Variants in CBX7 observed in about 807,000 individuals in gnomAD.
CBX7 encodes the protein chromobox protein homolog 7.
In CBX7, 14 loss-of-function variants were observed where a neutral mutation model predicts 31.4. The observed-to-expected ratio is 0.45, with a 90% CI of 0.29 to 0.70. The LOEUF (loss-of-function observed/expected upper bound fraction) is 0.70. Among genes scored for constraint, CBX7 ranks in the 30% least tolerant of loss-of-function variants. The pLI is 0.11. For missense variants in CBX7, 269 were observed against 351.9 expected (o/e 0.76, Z 1.89); for synonymous variants, 159 against 152.6 (o/e 1.04, Z -0.31).
chr22:39,135,526 G>A (rs544673375), intron 4 of CBX7: 1 of 142,378 alleles, frequency 7.0e-6, no homozygotes, highest in Non-Finnish European at 1.5e-5. Context: ...TGCTACCAGA[G>A]GTCAGGAGCT....
chr22:39,149,931 A>G (rs1207866199), intron 1 of CBX7, 99 bp from the exon 2 acceptor site: 1 of 893,632 alleles, frequency 1.1e-6, no homozygotes, highest in Non-Finnish European at 1.9e-6. Context: ...TCCAAATCCC[A>G]TCTGCAGACA....
chr22:39,148,927 C>G (rs2146372001), intron 2 of CBX7: 1 of 152,672 alleles, frequency 6.5e-6, no homozygotes, highest in South Asian at 2.1e-4. Flanking sequence ...AAGTCCCTGC[C>G]CGACAGCAGC....
chr22:39,138,820 C>A, intron 3 of CBX7, 118 bp from the exon 4 acceptor site: 1 of 892,970 alleles, frequency 1.1e-6, no homozygotes, highest in Non-Finnish European at 1.8e-6. Flanking sequence ...TCCCCACAGG[C>A]CTGCCCACCA....
In CBX7 at chr22:39,134,541, C is replaced by A. The variant is rs1006263514; in HGVS notation, c.458G>T (p.Arg153Leu). 1.2e-6 allele frequency: 2 copies of A among 1,609,734 alleles called. No homozygotes were observed. The highest frequency in any genetic ancestry group is 1.7e-6 in the Non-Finnish European group (2 of 1,178,686). ...GGGCCCGCGGGGCGGGAACTTCTTGCGCGAGAGCCGCAGGTACTTGTGGGC... is the reference window on the plus strand; with the variant it reads ...GGGCCCGCGGGGCGGGAACTTCTTGAGCGAGAGCCGCAGGTACTTGTGGGC... ...RKAHKYLRLSRKKFPPRGPNL... is the reference protein window; with the variant it reads ...RKAHKYLRLSLKKFPPRGPNL... The change falls in exon 5 of 6, where the codon CGC becomes CTC. Residue 153 changes from arginine (R) to leucine (L), a missense_variant. This residue lies in a region of CBX7 where 222 missense variants were observed against 240.4 expected (regional missense o/e 0.92). Transcript: ENST00000216133.
chr22:39,133,021 T>A lies in CBX7; in HGVS notation c.*870A>T, dbSNP rs1406737683. ...TCGCACCTGTGCCAGACCCCTGCCC[T>A]CCACTGAAAGCCGCAAGCAGGTAGC... is the stretch of plus-strand genomic sequence containing the variant. On this transcript the variant is annotated 3_prime_UTR_variant, in exon 6 of 6. Transcript: ENST00000216133. 6.6e-6 allele frequency: 1 copy of A among 152,246 alleles called. No individual in the cohort carries two copies. Among genetic ancestry groups the A allele is most frequent in the Admixed American group, 6.5e-5 (1 of 15,282 alleles). The allele number at this position is 152,246 out of a possible 1,614,324, so 9.4% of individuals were successfully genotyped here.
intron 2 of CBX7, among the ~76,000 whole-genome samples, chr22:39,144,892 C>A (rs557707182): frequency 6.6e-6 from 1 of 152,242 alleles, no homozygotes; most frequent in Non-Finnish European, 1.5e-5. Flanking sequence ...GTTCTTACCC[C>A]CATTTTACAG....
At position 39,134,369 on chromosome 22, in the gene CBX7, C is replaced by T. The variant is rs528700295; in HGVS notation, c.598+32G>A. On this transcript the variant is annotated intron_variant, in intron 5 of 5. Transcript: ENST00000216133. ...TTATGACCCATAGGGCCCTTTCCAG[C>T]TCTGAGGGTCTCTGGGCTGGGGCCG... The T allele has an allele frequency of 6.1e-5, 95 of 1,551,204 alleles. 3 individuals carry two copies. In the South Asian group the frequency reaches 1.0e-3, roughly 17 times the overall value.
chr22:39,151,627 G>A (rs753298386), intron 1 of CBX7, among the ~76,000 whole-genome samples: 8 of 152,206 alleles, frequency 5.3e-5, no homozygotes, highest in Non-Finnish European at 1.0e-4. Context: ...GATTTCCCCA[G>A]CCTTAGGCGA....
chr22:39,149,442 C>T (rs528008906), intron 2 of CBX7: 2 of 413,556 alleles, frequency 4.8e-6, no homozygotes, highest in South Asian at 5.3e-5. Flanking sequence ...GGGTCCCCTC[C>T]TCCTGTCCAG....
intron 1 of CBX7, among the ~76,000 whole-genome samples, chr22:39,150,899 C>G (rs1440540915): frequency 1.3e-5 from 2 of 152,232 alleles, no homozygotes; most frequent in East Asian, 3.8e-4. Flanking sequence ...GCTGTCTCCA[C>G]TGGCACCTTG....
At chr22:39,149,585 G>A (rs1730669493) in intron 2 of CBX7, 1 of 591,400 alleles carries the variant, frequency 1.7e-6, no homozygotes, top group Non-Finnish European at 3.0e-6. Context: ...AGGGTGAGAA[G>A]AGAAGCTGGA....
chr22:39,152,447 G>A lies in CBX7; in HGVS notation c.-3C>T, dbSNP rs1432675284. The A allele has an allele frequency of 8.3e-7, 1 of 1,210,524 alleles. No homozygotes were observed. Among genetic ancestry groups the A allele is most frequent in the Non-Finnish European group, 1.0e-6 (1 of 965,892 alleles). 75.0% of individuals were successfully genotyped at this position (1,210,524 alleles called of 1,614,324 possible). A position where few individuals can be genotyped will look rare whatever the true frequency, so the allele number is the denominator to read the frequency against. ...TCGCCGATGGCTGACAGCTCCATGC[G>A]GGGCGGCGGGCGAGCGGGCCCGGGG... On this transcript the variant is annotated 5_prime_UTR_variant, in exon 1 of 6. Coordinates refer to ENST00000216133, the MANE Select transcript of CBX7 (RefSeq NM_175709.5). The surrounding 1 kb of genome is among the most constrained non-coding windows in gnomAD (Gnocchi z 4.9).
At chr22:39,142,392 G>A (rs917025440) in intron 2 of CBX7, among the ~76,000 whole-genome samples, 4 of 152,136 alleles carry the variant, frequency 2.6e-5, no homozygotes, top group African/African-American at 9.7e-5. Flanking sequence ...CTTGTCTCTG[G>A]GCCTGGTACA....
chr22:39,137,761 G>A (rs940051046), intron 4 of CBX7, among the ~76,000 whole-genome samples: 6 of 152,160 alleles, frequency 3.9e-5, no homozygotes, highest in Admixed American at 2.0e-4. Flanking sequence ...GACCTACGAC[G>A]TGGGTACTCC....
intron 5 of CBX7, 74 bp from the exon 6 acceptor site, chr22:39,134,122 C>T: frequency 7.0e-7 from 1 of 1,437,166 alleles, no homozygotes; most frequent in Non-Finnish European, 9.4e-7. Flanking sequence ...AACCCGACCC[C>T]AACTCCAGCT....
In CBX7 at chr22:39,133,813, C is replaced by T; in HGVS notation, c.*78G>A. On this transcript the variant is annotated 3_prime_UTR_variant, in exon 6 of 6. Coordinates refer to ENST00000216133, the MANE Select transcript of CBX7 (RefSeq NM_175709.5). ...TTTTTTAAATAAAATAATTACCCCG[C>T]CCCCAACCCATCCCTATCTCTGGAA... is the stretch of plus-strand genomic sequence containing the variant. The T allele has an allele frequency of 2.2e-6, 3 of 1,344,460 alleles. No individual in the cohort carries two copies. The highest frequency in any genetic ancestry group is 2.5e-5 in the Admixed American group (1 of 40,754). The allele number at this position is 1,344,460 out of a possible 1,614,324, so 83.3% of individuals were successfully genotyped here. A position where few individuals can be genotyped will look rare whatever the true frequency, so the allele number is the denominator to read the frequency against.
chr22:39,142,232 A>G (rs1930484794), intron 2 of CBX7, among the ~76,000 whole-genome samples: 1 of 152,150 alleles, frequency 6.6e-6, no homozygotes, highest in African/African-American at 2.4e-5. Context: ...AGAGGGTGTT[A>G]CAAGAGTAAC....
At position 39,152,544 on chromosome 22, in the gene CBX7, G is replaced by C. The variant is rs1237690503; in HGVS notation, c.-100C>G. ...CGATGCTGGGGCTGGCGGGGTCCCC[G>C]TCACCCTCGTCCGGGCGCGCACGCG... On this transcript the variant is annotated 5_prime_UTR_variant, in exon 1 of 6. Coordinates refer to ENST00000216133, the MANE Select transcript of CBX7 (RefSeq NM_175709.5). This position sits in a 1 kb window ranked among gnomAD's most constrained non-coding sequence, Gnocchi z 4.9. The C allele has an allele frequency of 2.4e-6, 1 of 419,182 alleles. No individual in the cohort carries two copies. Among genetic ancestry groups the C allele is most frequent in the Admixed American group, 6.6e-5 (1 of 15,262 alleles). 26.0% of individuals were successfully genotyped at this position (419,182 alleles called of 1,614,324 possible). A position where few individuals can be genotyped will look rare whatever the true frequency, so the allele number is the denominator to read the frequency against.
At chr22:39,134,358 G>T in intron 5 of CBX7, 43 bp downstream of exon 5, 3 of 1,484,788 alleles carry the variant, frequency 2.0e-6, no homozygotes, top group Non-Finnish European at 2.7e-6. Flanking sequence ...GACCCATAGG[G>T]CCCTTTCCAG....
Sources: gnomAD v4.1 joint callset for allele counts (sites outside exome capture counted in the v4.1 genomes callset) on GRCh38, gnomAD v4.1.1 for gene constraint, gnomAD v4.1.1 regional missense constraint, Gnocchi (gnomAD v3.1) non-coding constraint, MANE v1.5 for transcripts, NCBI Gene and HGNC (gene_info 2026-07-23, HGNC 2026-07-21) for gene names.